The following CORO2A variants were observed in gnomAD, a reference collection of about 807,000 sequenced individuals.
The protein encoded by CORO2A is coronin-2A.
CORO2A carries 47 observed loss-of-function variants against 62.4 expected under a neutral mutation model. The ratio of observed to expected loss-of-function variants is 0.75; its 90% CI spans 0.60 to 0.96. CORO2A has a LOEUF of 0.96. Ranked by LOEUF, CORO2A falls within the 40% of genes least tolerant of loss-of-function variation. The pLI, the probability that CORO2A is intolerant of heterozygous loss-of-function variation, is 0.00. For synonymous variants in CORO2A, 273 were observed against 268.9 expected (o/e 1.02, Z -0.15); for missense variants, 610 against 684.1 (o/e 0.89, Z 1.21).
At chr9:98,125,928 G>A (rs942527355) in intron 11 of CORO2A, among the ~76,000 whole-genome samples, 2 of 151,564 alleles carry the variant, frequency 1.3e-5, no homozygotes, top group Non-Finnish European at 2.9e-5. Flanking sequence ...ATGTTGGCCA[G>A]GCTGGTCTCA....
rs1827595893 is a variant in CORO2A at position 98,143,093 on chromosome 9, T to C, written c.202-5405A>G. ...TCTGATGGATGTGGTGTACAAGCTCTAAATCAGGGGAGACACGCCTGCTCC... is the reference window on the plus strand; with the variant it reads ...TCTGATGGATGTGGTGTACAAGCTCCAAATCAGGGGAGACACGCCTGCTCC... On this transcript the variant is annotated intron_variant, in intron 2 of 11. Coordinates refer to ENST00000375077, the MANE Select transcript of CORO2A (RefSeq NM_052820.4). Among the ~76,000 whole-genome samples the C allele has an allele frequency of 2.0e-5, 3 of 152,142 alleles. No homozygotes were observed. The South Asian group carries it at 6.2e-4, about 32-fold the overall frequency.
chr9:98,184,752 A>C (rs1414958914), intron 1 of CORO2A, among the ~76,000 whole-genome samples: 1 of 152,118 alleles, frequency 6.6e-6, no homozygotes. Context: ...AGAGCACTTA[A>C]ATCAAGGGGT....
Position 98,124,472 on chromosome 9 carries a change from T to C in CORO2A, c.*302A>G. 1 of 209,884 alleles carries C rather than the reference T, an allele frequency of 4.8e-6. No individual in the cohort carries two copies. The allele number at this position is 209,884 out of a possible 1,614,324, so 13.0% of individuals were successfully genotyped here. On this transcript the variant is annotated 3_prime_UTR_variant, in exon 12 of 12. Transcript: ENST00000375077. ...ACAGGTCAACCTAGATCCTTCCAGC[T>C]CTAGTTTTCTACTGTGTTCTTTCCT...
intron 2 of CORO2A, among the ~76,000 whole-genome samples, chr9:98,144,410 C>G (rs1484093297): frequency 6.6e-6 from 1 of 152,116 alleles, no homozygotes; most frequent in Non-Finnish European, 1.5e-5. Flanking sequence ...GGAATGTTTC[C>G]TCTTATGGCC....
intron 1 of CORO2A, among the ~76,000 whole-genome samples, chr9:98,184,163 G>A (rs1337019850): frequency 6.6e-6 from 1 of 152,002 alleles, no homozygotes; most frequent in Non-Finnish European, 1.5e-5. Flanking sequence ...ATTTAGGAAT[G>A]ACTGCACACA....
In CORO2A at chr9:98,157,449, G is replaced by A. The variant is rs1827819117; in HGVS notation, c.201+11C>T. ...CTCCAGAGAGCTGTTTGGGCCTGGG[G>A]GTGTCCTTACCTGGTGCAGGGGGAT... On this transcript the variant is annotated intron_variant, in intron 2 of 11. Coordinates refer to ENST00000375077, the MANE Select transcript of CORO2A (RefSeq NM_052820.4). The A allele has an allele frequency of 1.2e-6, 2 of 1,613,852 alleles. No individual in the cohort carries two copies. Among genetic ancestry groups the A allele is most frequent in the Non-Finnish European group, 8.5e-7 (1 of 1,179,798 alleles).
At chr9:98,153,688 A>ACT (rs1365389477) in intron 2 of CORO2A, among the ~76,000 whole-genome samples, 2 of 149,388 alleles carry the variant, frequency 1.3e-5, no homozygotes, top group Non-Finnish European at 3.0e-5. Flanking sequence ...ACACACACAC[A>ACT]CACACTCACA....
In CORO2A at chr9:98,123,093, G is replaced by T. The variant is rs557293498; in HGVS notation, c.*1681C>A. On this transcript the variant is annotated 3_prime_UTR_variant, in exon 12 of 12. Coordinates refer to ENST00000375077, the MANE Select transcript of CORO2A (RefSeq NM_052820.4). ...CTTGTTCCAGGGTACCCCTGGTTCA[G>T]ATGAAGAAACTGAGACCAGAGAGGG... The T allele has an allele frequency of 6.6e-6, 1 of 152,420 alleles. No homozygotes were observed. 9.4% of individuals were successfully genotyped at this position (152,420 alleles called of 1,614,324 possible).
chr9:98,141,229 G>A (rs756791200), intron 2 of CORO2A, among the ~76,000 whole-genome samples: 6 of 152,112 alleles, frequency 3.9e-5, no homozygotes, highest in Non-Finnish European at 7.4e-5. Context: ...TCTACAGCAG[G>A]ACAGGGGAGA....
At chr9:98,190,502 G>T (rs1828293217) in intron 1 of CORO2A, among the ~76,000 whole-genome samples, 1 of 152,060 alleles carries the variant, frequency 6.6e-6, no homozygotes, top group African/African-American at 2.4e-5. Flanking sequence ...GGATCCCTGG[G>T]CTCGGTTGCT....
At chr9:98,161,761 T>G (rs929099737) in intron 1 of CORO2A, among the ~76,000 whole-genome samples, 1 of 151,964 alleles carries the variant, frequency 6.6e-6, no homozygotes, top group Non-Finnish European at 1.5e-5. Flanking sequence ...ATCAACCAAA[T>G]GTGGTGCCTG....
chr9:98,147,530 C>T (rs1587999758), intron 2 of CORO2A, among the ~76,000 whole-genome samples: 1 of 152,160 alleles, frequency 6.6e-6, no homozygotes, highest in Non-Finnish European at 1.5e-5. Flanking sequence ...AGATTAGAGC[C>T]TTGCTATTGA....
rs1383106067 is a variant in CORO2A at position 98,128,696 on chromosome 9, C to T, written c.991G>A (p.Asp331Asn). 3.7e-6 allele frequency: 6 copies of T among 1,614,038 alleles called. No individual in the cohort carries two copies. Among genetic ancestry groups the T allele is most frequent in the African/African-American group, 2.7e-5 (2 of 74,916 alleles). The part of the protein sequence containing the change: ...GIGVMPKRGL[D>N]VSSCEIFRFY... ...CGGAAGATCTCGCAGGAGGACACGT[C>T]GAGTCCTCTCTTTGGCATGACACCT... The change falls in exon 9 of 12, where the codon GAC (aspartate) becomes AAC (asparagine). Residue 331 changes from aspartate (D) to asparagine (N), a missense_variant. Coordinates refer to ENST00000375077, the MANE Select transcript of CORO2A (RefSeq NM_052820.4).
intron 7 of CORO2A, 28 bp downstream of exon 7, chr9:98,130,927 G>A (rs1244213962): frequency 6.3e-7 from 1 of 1,587,178 alleles, no homozygotes. Flanking sequence ...GGGTCCAGGA[G>A]GTCACCTCCC....
chr9:98,160,224 A>G (rs1564211642), intron 1 of CORO2A, among the ~76,000 whole-genome samples: 1 of 152,212 alleles, frequency 6.6e-6, no homozygotes, highest in Non-Finnish European at 1.5e-5. Context: ...GTGATTCCAG[A>G]AAGGATTTAA....
chr9:98,148,971 T>C (rs1027479532), intron 2 of CORO2A, among the ~76,000 whole-genome samples: 2 of 152,116 alleles, frequency 1.3e-5, no homozygotes, highest in African/African-American at 2.4e-5. Flanking sequence ...AGCAGGTTAA[T>C]TGTCATCTGG....
chr9:98,173,809 AG>A (rs1212218458), intron 1 of CORO2A, among the ~76,000 whole-genome samples: 6 of 152,316 alleles, frequency 3.9e-5, no homozygotes, highest in African/African-American at 1.4e-4. Context: ...GAGATGAGCA[AG>A]GAGCTTAAGA....
At chr9:98,142,925 G>A (rs1317794831) in intron 2 of CORO2A, among the ~76,000 whole-genome samples, 1 of 152,036 alleles carries the variant, frequency 6.6e-6, no homozygotes, top group Non-Finnish European at 1.5e-5. Flanking sequence ...AAGGTTTTAC[G>A]CTGAGGACCA....
At position 98,126,530 on chromosome 9, in the gene CORO2A, A is replaced by C. The variant is rs766971775; in HGVS notation, c.1446+19T>G. On this transcript the variant is annotated intron_variant, in intron 11 of 11. Coordinates refer to ENST00000375077, the MANE Select transcript of CORO2A (RefSeq NM_052820.4). ...CCCAGCTGCCCCATGTGAAAGGCCC[A>C]CCCCGTCCTCCTTCACACCTCATTC... The C allele has an allele frequency of 6.2e-7, 1 of 1,606,328 alleles. No homozygotes were observed. Among genetic ancestry groups the C allele is most frequent in the Non-Finnish European group, 8.5e-7 (1 of 1,174,538 alleles).
Sources: allele counts gnomAD v4.1 joint callset (sites outside exome capture counted in the v4.1 genomes callset), GRCh38; gene constraint gnomAD v4.1.1; transcripts MANE v1.5; gene names NCBI Gene and HGNC (gene_info 2026-07-23, HGNC 2026-07-21).